Variants in TBC1D2B observed in about 807,000 individuals in gnomAD.
TBC1D2B encodes the protein TBC1 domain family, member 2B.
Under a neutral mutation model 100.8 loss-of-function variants are expected in TBC1D2B, and 64 were observed. That is an observed-to-expected ratio of 0.64 (90% CI 0.52 to 0.78). The LOEUF (loss-of-function observed/expected upper bound fraction) is 0.78. Ranked by LOEUF, TBC1D2B falls within the 30% of genes least tolerant of loss-of-function variation. TBC1D2B has a pLI of 0.00. For missense variants in TBC1D2B, 1,052 were observed against 1,218.4 expected (o/e 0.86, Z 2.03); for synonymous variants, 480 against 479.7 (o/e 1.00, Z -0.01).
intron 6 of TBC1D2B, 151 bp downstream of exon 6, chr15:78,024,005 T>C: frequency 1.0e-6 from 1 of 995,054 alleles, no homozygotes; most frequent in East Asian, 2.7e-5. Context: ...TTAATGATTA[T>C]TTGATGGTAA....
intron 4 of TBC1D2B, among the ~76,000 whole-genome samples, chr15:78,028,302 C>A (rs1237976589): frequency 1.3e-5 from 2 of 152,078 alleles, no homozygotes; most frequent in Non-Finnish European, 2.9e-5. Context: ...TGATGAAACC[C>A]TGTCTCTACT....
chr15:78,008,393 C>T (rs1165319124), intron 10 of TBC1D2B, among the ~76,000 whole-genome samples: 1 of 152,210 alleles, frequency 6.6e-6, no homozygotes, highest in Non-Finnish European at 1.5e-5. Flanking sequence ...GGCATGGGTG[C>T]GGCAGCGGCA....
chr15:78,042,388 T>C (rs1314010027), intron 3 of TBC1D2B, among the ~76,000 whole-genome samples: 1 of 152,144 alleles, frequency 6.6e-6, no homozygotes, highest in Non-Finnish European at 1.5e-5. Flanking sequence ...GACCTGGGTG[T>C]GTGTTCAGCT....
intron 3 of TBC1D2B, among the ~76,000 whole-genome samples, chr15:78,033,299 TA>T (rs2072863098): frequency 6.6e-6 from 1 of 152,190 alleles, no homozygotes; most frequent in Admixed American, 6.5e-5. Context: ...TTCTCTTACT[TA>T]ATAGACCCAT....
At chr15:78,066,713 A>G (rs918981361) in intron 1 of TBC1D2B, among the ~76,000 whole-genome samples, 3 of 152,264 alleles carry the variant, frequency 2.0e-5, no homozygotes, top group African/African-American at 7.2e-5. Context: ...AACAGTATAA[A>G]AAGTGGTTCA....
intron 1 of TBC1D2B, among the ~76,000 whole-genome samples, chr15:78,069,717 G>GA (rs1305942764): frequency 5.9e-5 from 9 of 152,182 alleles, no homozygotes. Context: ...AATTTGAGGA[G>GA]AAAAATACAT....
At chr15:78,062,732 G>C (rs2073573943) in intron 1 of TBC1D2B, among the ~76,000 whole-genome samples, 1 of 152,024 alleles carries the variant, frequency 6.6e-6, no homozygotes, top group East Asian at 1.9e-4. Context: ...AAATTATATA[G>C]ACTCTTCCAT....
intron 3 of TBC1D2B, chr15:78,034,763 A>T: frequency 1.0e-6 from 1 of 984,980 alleles, no homozygotes; most frequent in Non-Finnish European, 1.2e-6. Flanking sequence ...AAATGGAATC[A>T]GGCTCAAAGT....
chr15:78,076,983 G>A (rs67559383), intron 1 of TBC1D2B, among the ~76,000 whole-genome samples: 59,295 of 152,100 alleles, frequency 0.39, 11,981 homozygotes, highest in East Asian at 0.58. Flanking sequence ...AGGCTGCACA[G>A]GACATCCACG....
At chr15:78,038,270 C>T (rs1269837195) in intron 3 of TBC1D2B, among the ~76,000 whole-genome samples, 1 of 152,128 alleles carries the variant, frequency 6.6e-6, no homozygotes, top group African/African-American at 2.4e-5. Context: ...AGAGCTGGAC[C>T]ACAGACAAGT....
At chr15:78,068,433 G>T (rs1161380999) in intron 1 of TBC1D2B, among the ~76,000 whole-genome samples, 1 of 133,536 alleles carries the variant, frequency 7.5e-6, no homozygotes, top group African/African-American at 2.8e-5. Flanking sequence ...AGGATATGAG[G>T]GCTTAAAGCA....
chr15:78,044,165 G>A (rs1567027469), intron 3 of TBC1D2B, among the ~76,000 whole-genome samples: 1 of 152,118 alleles, frequency 6.6e-6, no homozygotes, highest in Admixed American at 6.6e-5. Flanking sequence ...GTTTCTTTTT[G>A]GATCGATGAA....
intron 8 of TBC1D2B, among the ~76,000 whole-genome samples, chr15:78,014,583 T>C (rs1252358406): frequency 6.6e-6 from 1 of 152,216 alleles, no homozygotes; most frequent in African/African-American, 2.4e-5. Context: ...ATTCATACAA[T>C]GATGTTCTAC....
Position 78,077,273 on chromosome 15 carries a change from T to C in TBC1D2B, c.360+20A>G. The stretch of plus-strand genomic sequence containing the variant: ...ACGCCGGCGGAAGCGCGCGGGCGGC[T>C]TTGGGGCGAGCGGTCCCACCTTGAG... On this transcript the variant is annotated intron_variant, in intron 1 of 12. Coordinates refer to ENST00000300584, the MANE Select transcript of TBC1D2B (RefSeq NM_144572.2). 6.9e-7 allele frequency: 1 copy of C among 1,446,612 alleles called. No homozygotes were observed. The highest frequency in any genetic ancestry group is 9.1e-7 in the Non-Finnish European group (1 of 1,103,624). 89.6% of individuals were successfully genotyped at this position (1,446,612 alleles called of 1,614,324 possible). A position where few individuals can be genotyped will look rare whatever the true frequency, so the allele number is the denominator to read the frequency against.
chr15:78,001,900 T>G (rs2071925557), intron 11 of TBC1D2B, 160 bp from the exon 12 acceptor site: 1 of 737,352 alleles, frequency 1.4e-6, no homozygotes, highest in Non-Finnish European at 2.1e-6. Flanking sequence ...CAATTTTCAC[T>G]GGCTAGGCCA....
intron 5 of TBC1D2B, 59 bp downstream of exon 5, chr15:78,025,200 C>A: frequency 6.8e-7 from 1 of 1,467,766 alleles, no homozygotes; most frequent in South Asian, 1.2e-5. Context: ...TTGGGCTTTA[C>A]TCCTCCCGTC....
intron 3 of TBC1D2B, among the ~76,000 whole-genome samples, chr15:78,032,410 T>TAA (rs201989706): frequency 3.4e-5 from 5 of 148,932 alleles, no homozygotes; most frequent in African/African-American, 4.9e-5. Flanking sequence ...TTTATAGCAA[T>TAA]AAAAAAAATA....
intron 12 of TBC1D2B, among the ~76,000 whole-genome samples, chr15:78,001,350 T>C (rs567534933): frequency 6.6e-6 from 1 of 152,218 alleles, no homozygotes; most frequent in Non-Finnish European, 1.5e-5. Context: ...ACTCAGTAAA[T>C]GCTTTCTAGA....
intron 3 of TBC1D2B, among the ~76,000 whole-genome samples, chr15:78,033,554 A>C (rs1321439263): frequency 6.6e-6 from 1 of 152,218 alleles, no homozygotes; most frequent in Non-Finnish European, 1.5e-5. Flanking sequence ...AAGGTGTAGA[A>C]ATGTTCTATT....
Sources: gnomAD v4.1 joint callset for allele counts (sites outside exome capture counted in the v4.1 genomes callset) on GRCh38, gnomAD v4.1.1 for gene constraint, MANE v1.5 for transcripts, NCBI Gene and HGNC (gene_info 2026-07-23, HGNC 2026-07-21) for gene names.